The following FBLN1 variants were observed in gnomAD, a reference collection of about 807,000 sequenced individuals.
The protein encoded by FBLN1 is fibulin-1.
Under a neutral mutation model 89.7 loss-of-function variants are expected in FBLN1, and 34 were observed. That is an observed-to-expected ratio of 0.38 (90% CI 0.29 to 0.50). FBLN1 has a LOEUF of 0.50. Ranked by LOEUF, FBLN1 falls within the 20% of genes least tolerant of loss-of-function variation. The pLI is 0.92. For synonymous variants in FBLN1, 393 were observed against 391.3 expected (o/e 1.00, Z -0.05); for missense variants, 777 against 988.1 (o/e 0.79, Z 2.86).
intron 14 of FBLN1, among the ~76,000 whole-genome samples, chr22:45,551,400 G>A (rs2088699240): frequency 6.6e-6 from 1 of 152,224 alleles, no homozygotes; most frequent in Non-Finnish European, 1.5e-5. Context: ...CCTTCAGCCT[G>A]CCTTGGGCTC....
In FBLN1 at chr22:45,564,851, G is replaced by A. The variant is rs758670306; in HGVS notation, c.1698-9660G>A. ...CCTGGCTTATGTCACTAGCATTTCT[G>A]TGGCTGTGACACTGTGCTGACACTG... On this transcript the variant is annotated intron_variant, in intron 14 of 16. Transcript: ENST00000327858. 12 of 1,612,926 alleles carry A rather than the reference G, an allele frequency of 7.4e-6. No homozygotes were observed. The East Asian group carries it at 2.7e-4, about 36-fold the overall frequency.
At chr22:45,540,543 C>T (rs2146978936) in intron 8 of FBLN1, among the ~76,000 whole-genome samples, 1 of 152,244 alleles carries the variant, frequency 6.6e-6, no homozygotes, top group African/African-American at 2.4e-5. Context: ...GCAAGGTTCT[C>T]CAAGGTGATG....
chr22:45,600,448 G>C lies in FBLN1; in HGVS notation c.*2G>C, dbSNP rs1156380663. The C allele has an allele frequency of 6.2e-7, 1 of 1,614,148 alleles. No homozygotes were observed. The highest frequency in any genetic ancestry group is 2.2e-5 in the East Asian group (1 of 44,886). Reference sequence around the variant, plus strand: ...TTCGTCTCTGAGTACTGGTTCTGAGGGCTGGTCTGCCGCACAGCCGCAGGT... The same window carrying C: ...TTCGTCTCTGAGTACTGGTTCTGAGCGCTGGTCTGCCGCACAGCCGCAGGT... On this transcript the variant is annotated 3_prime_UTR_variant, in exon 17 of 17. Coordinates refer to ENST00000327858, the MANE Select transcript of FBLN1 (RefSeq NM_006486.3).
chr22:45,589,230 A>T (rs56196568), intron 16 of FBLN1, among the ~76,000 whole-genome samples: 1 of 151,690 alleles, frequency 6.6e-6, no homozygotes, highest in East Asian at 1.9e-4. Flanking sequence ...GGCACACAGG[A>T]GCTTCCAGGC....
chr22:45,596,291 G>C (rs866227306), intron 16 of FBLN1, among the ~76,000 whole-genome samples: 1 of 152,280 alleles, frequency 6.6e-6, no homozygotes, highest in South Asian at 2.1e-4. Flanking sequence ...GTCTCAAAGG[G>C]CCTACTTAGA....
At chr22:45,560,888 C>T (rs1335010453) in intron 14 of FBLN1, among the ~76,000 whole-genome samples, 1 of 152,100 alleles carries the variant, frequency 6.6e-6, no homozygotes, top group Non-Finnish European at 1.5e-5. Context: ...ATTATCTTGC[C>T]TGGCAACTGC....
At position 45,576,721 on chromosome 22, in the gene FBLN1, T is replaced by C. The variant is rs937833031; in HGVS notation, c.1841-256T>C. ...CACCAGCCCTTCCTCTGATTAGCTC[T>C]GTGTCCCCGAGGAAGATCCAAAATC... On this transcript the variant is annotated intron_variant, in intron 15 of 16. Transcript: ENST00000327858. This position sits in a 1 kb window ranked among gnomAD's most constrained non-coding sequence, Gnocchi z 5.2. Among the ~76,000 whole-genome samples the C allele has an allele frequency of 6.6e-6, 1 of 152,216 alleles. No individual in the cohort carries two copies. Among genetic ancestry groups the C allele is most frequent in the African/African-American group, 2.4e-5 (1 of 41,450 alleles).
At position 45,556,683 on chromosome 22, in the gene FBLN1, A is replaced by G. The variant is rs2088792505; in HGVS notation, c.1697+6068A>G. On this transcript the variant is annotated intron_variant, in intron 14 of 16. Coordinates refer to ENST00000327858, the MANE Select transcript of FBLN1 (RefSeq NM_006486.3). This position sits in a 1 kb window ranked among gnomAD's most constrained non-coding sequence, Gnocchi z 4.6. The stretch of plus-strand genomic sequence containing the variant: ...TAGTCTGGGTCAGCCACCCCAGCCA[A>G]CACTGTAACTCCCTTCTTAGCCTGT... 6.6e-6 allele frequency among the ~76,000 whole-genome samples: 1 copy of G among 152,148 alleles called. No homozygotes were observed. Among genetic ancestry groups the G allele is most frequent in the Non-Finnish European group, 1.5e-5 (1 of 68,022 alleles).
intron 7 of FBLN1, among the ~76,000 whole-genome samples, chr22:45,534,292 CAAAAAAAAAAAAAA>C (rs136746): frequency 2.4e-5 from 2 of 83,208 alleles, no homozygotes; most frequent in African/African-American, 4.8e-5. Context: ...GTACTTTCTA[CAAAAAAAAAAAAAA>C]AAAAAAAAAA....
At chr22:45,589,844 C>T (rs946059340) in intron 16 of FBLN1, among the ~76,000 whole-genome samples, 1 of 151,326 alleles carries the variant, frequency 6.6e-6, no homozygotes, top group African/African-American at 2.5e-5. Context: ...CCGCAGAGCA[C>T]CCTCCCATCG....
intron 8 of FBLN1, among the ~76,000 whole-genome samples, chr22:45,540,170 A>C (rs1462889753): frequency 6.6e-6 from 1 of 152,214 alleles, no homozygotes; most frequent in Non-Finnish European, 1.5e-5. Context: ...GGAAAGCAGG[A>C]GACCCTGATT....
chr22:45,514,073 G>A (rs143676201), intron 1 of FBLN1, among the ~76,000 whole-genome samples: 109 of 152,182 alleles, frequency 7.2e-4, no homozygotes, highest in African/African-American at 2.5e-3. Context: ...GTGAGCCACC[G>A]TACCTGGCCA....
chr22:45,579,017 C>G lies in FBLN1; in HGVS notation c.1972+1909C>G, dbSNP rs1486047401. ...CATGCACAGAGACAGGCCTTGATGG[C>G]CTGTGGAGGCTCTCTTAGGGGAAGT... On this transcript the variant is annotated intron_variant, in intron 16 of 16. Coordinates refer to ENST00000327858, the MANE Select transcript of FBLN1 (RefSeq NM_006486.3). This position sits in a 1 kb window ranked among gnomAD's most constrained non-coding sequence, Gnocchi z 5.5. Among the ~76,000 whole-genome samples the G allele has an allele frequency of 1.3e-5, 2 of 152,204 alleles. No individual in the cohort carries two copies. The highest frequency in any genetic ancestry group is 4.8e-5 in the African/African-American group (2 of 41,458).
rs145891103 is a variant in FBLN1, at chr22:45,540,567, G to T, written c.923-662G>T. On this transcript the variant is annotated intron_variant, in intron 8 of 16. Transcript: ENST00000327858. ...TCCAAGGTGATGTTTAGATGCTTAG[G>T]TCCTTTTCCACTCCCTCTATCAGGA... 3.9e-3 allele frequency among the ~76,000 whole-genome samples: 598 copies of T among 152,260 alleles called. 1 individual carries two copies. Among genetic ancestry groups the T allele is most frequent in the African/African-American group, 6.6e-3 (275 of 41,552 alleles).
At chr22:45,524,588 G>A (rs1008968912) in intron 2 of FBLN1, among the ~76,000 whole-genome samples, 7 of 152,112 alleles carry the variant, frequency 4.6e-5, no homozygotes, top group Admixed American at 1.3e-4. Context: ...AAGATGGAAC[G>A]AGCACTGAGA....
intron 8 of FBLN1, among the ~76,000 whole-genome samples, chr22:45,540,884 C>T (rs982421156): frequency 2.6e-5 from 4 of 152,232 alleles, no homozygotes; most frequent in African/African-American, 9.6e-5. Context: ...GCTGGCACCA[C>T]GTGGACAGTC....
chr22:45,547,335 T>G, intron 12 of FBLN1, 131 bp downstream of exon 12: 1 of 1,167,276 alleles, frequency 8.6e-7, no homozygotes, highest in Non-Finnish European at 1.2e-6. Flanking sequence ...AAACCTTCCA[T>G]GTCCACCCTT....
At position 45,597,900 on chromosome 22, in the gene FBLN1, A is replaced by G. The variant is rs892570596; in HGVS notation, c.1973-2407A>G. 3.3e-5 allele frequency among the ~76,000 whole-genome samples: 5 copies of G among 152,110 alleles called. No individual in the cohort carries two copies. Among genetic ancestry groups the G allele is most frequent in the East Asian group, 1.9e-4 (1 of 5,182 alleles). On this transcript the variant is annotated intron_variant, in intron 16 of 16. Transcript: ENST00000327858. This position sits in a 1 kb window ranked among gnomAD's most constrained non-coding sequence, Gnocchi z 4.2. Reference sequence around the variant, plus strand: ...TAAGCCCAGAGAGCGAAAGGGGGGAACGTTGTGCCCAGATTCTCTTTCTGA... The same window carrying G: ...TAAGCCCAGAGAGCGAAAGGGGGGAGCGTTGTGCCCAGATTCTCTTTCTGA...
chr22:45,535,172 A>T, intron 7 of FBLN1, 28 bp from the exon 8 acceptor site: 2 of 1,614,016 alleles, frequency 1.2e-6, no homozygotes, highest in Non-Finnish European at 1.7e-6. Flanking sequence ...ACTCTTGCTA[A>T]CAATTTCCTT....
Sources: gnomAD v4.1 joint callset for allele counts (sites outside exome capture counted in the v4.1 genomes callset) on GRCh38, gnomAD v4.1.1 for gene constraint, Gnocchi (gnomAD v3.1) non-coding constraint, MANE v1.5 for transcripts, NCBI Gene and HGNC (gene_info 2026-07-23, HGNC 2026-07-21) for gene names.